The following ZBTB32 variants were observed in gnomAD, a reference collection of about 807,000 sequenced individuals.
ZBTB32 encodes zinc finger and BTB domain containing 32.
In ZBTB32, 28 loss-of-function variants were observed where a neutral mutation model predicts 45.3. That is an observed-to-expected ratio of 0.62 (90% CI 0.46 to 0.85). The LOEUF is 0.85. ZBTB32 is among the 40% of genes least tolerant of loss of function. The probability of loss-of-function intolerance (pLI) is 0.00; values close to 1 mark genes in which losing one functional copy is unlikely to be tolerated. For synonymous variants in ZBTB32, 283 were observed against 255.7 expected (o/e 1.11, Z -1.02); for missense variants, 587 against 624.4 (o/e 0.94, Z 0.64).
chr19:35,706,434 GT>G (rs61122612), intron 1 of ZBTB32, among the ~76,000 whole-genome samples: 152,077 of 152,078 alleles, frequency 1, 76,038 homozygotes, highest in Non-Finnish European at 1. Flanking sequence ...AATCACCCAG[GT>G]TTTTGGCAGG....
intron 1 of ZBTB32, among the ~76,000 whole-genome samples, chr19:35,709,329 G>T (rs1413011725): frequency 6.6e-6 from 1 of 152,094 alleles, no homozygotes. Flanking sequence ...AATAGAGGGA[G>T]AACTTTTTCA....
rs930748986 is a variant in ZBTB32, at chr19:35,715,950, C to G, written c.967C>G (p.Gln323Glu). The G allele has an allele frequency of 2.5e-6, 4 of 1,613,484 alleles. No homozygotes were observed. The highest frequency in any genetic ancestry group is 2.2e-5 in the East Asian group (1 of 44,892). The part of the protein sequence containing the change: ...SSSPTPGSLP[Q>E]GPAQLSPGEM... ...ACTGTTCCTTCCAGGTTCCCTCCCC[C>G]AGGGCCCCGCACAGCTCAGCCCTGG... The change falls in exon 5 of 7, where the codon CAG (glutamine) becomes GAG (glutamate). Residue 323 changes from glutamine to glutamate, a missense_variant. Coordinates refer to ENST00000392197, the MANE Select transcript of ZBTB32 (RefSeq NM_014383.3).
In ZBTB32 at chr19:35,715,793, G is replaced by T; in HGVS notation, c.918G>T (p.Trp306Cys). The T allele has an allele frequency of 6.2e-7, 1 of 1,613,684 alleles. No individual in the cohort carries two copies. The highest frequency in any genetic ancestry group is 8.5e-7 in the Non-Finnish European group (1 of 1,179,880). The change falls in exon 4 of 7, where the codon TGG becomes TGT. Residue 306 changes from tryptophan (W) to cysteine (C), a missense_variant. Coordinates refer to ENST00000392197, the MANE Select transcript of ZBTB32 (RefSeq NM_014383.3). ...PLSLNAPKGL[W>C]SQNQLASSSP... ...CCCTAAATGCCCCCAAAGGGCTCTG[G>T]AGCCAGAACCAGTTGGCCTCCTCCA...
intron 1 of ZBTB32, among the ~76,000 whole-genome samples, chr19:35,712,024 C>CAAAAAAAAAAAAA (rs773746029): frequency 1.8e-5 from 1 of 54,840 alleles, no homozygotes; most frequent in African/African-American, 8.2e-5. Flanking sequence ...GACTGCGTCT[C>CAAAAAAAAAAAAA]AAAAAAAAAA....
At position 35,715,369 on chromosome 19, in the gene ZBTB32, C is replaced by T. The variant is rs2234367; in HGVS notation, c.743C>T (p.Ser248Leu). ...SLQTSVTPRPSWAEAPWLVGG... is the reference protein window; with the variant it reads ...SLQTSVTPRPLWAEAPWLVGG... ...CAAACCAGCGTCACCCCTAGGCCCT[C>T]GTGGGCTGAGGCCCCTTGGTTGGTG... The change falls in exon 3 of 7, where the codon TCG (serine) becomes TTG (leucine). Residue 248 changes from serine (S) to leucine (L), a missense_variant. By Grantham distance (145) the Ser-to-Leu change is moderately radical (BLOSUM62 -2). Transcript: ENST00000392197. The T allele has an allele frequency of 1.0e-3, 1,626 of 1,611,984 alleles. 29 individuals carry two copies. In the East Asian group the frequency reaches 0.033, roughly 33 times the overall value.
chr19:35,712,570 A>C (rs559204795), intron 1 of ZBTB32, among the ~76,000 whole-genome samples: 6 of 152,334 alleles, frequency 3.9e-5, no homozygotes, highest in Admixed American at 3.9e-4. Context: ...TCCCTTCCCC[A>C]GATTAAAGAG....
chr19:35,711,985 A>C (rs182120466), intron 1 of ZBTB32, among the ~76,000 whole-genome samples: 1,561 of 136,830 alleles, frequency 0.011, 28 homozygotes, highest in African/African-American at 0.041. Flanking sequence ...AGATTGCGCC[A>C]CTGCACTCCA....
At chr19:35,709,626 T>G (rs2146411873) in intron 1 of ZBTB32, among the ~76,000 whole-genome samples, 1 of 152,280 alleles carries the variant, frequency 6.6e-6, no homozygotes, top group East Asian at 1.9e-4. Context: ...CATGCCTGTA[T>G]CACAGCATTT....
At chr19:35,710,829 T>G (rs1455841902) in intron 1 of ZBTB32, among the ~76,000 whole-genome samples, 2 of 152,178 alleles carry the variant, frequency 1.3e-5, no homozygotes, top group African/African-American at 4.8e-5. Context: ...CCATCTGTGC[T>G]CAGTGCAGGA....
At position 35,716,614 on chromosome 19, in the gene ZBTB32, C is replaced by A. The variant is rs1452760028; in HGVS notation, c.1326C>A (p.Ser442=). 1.9e-6 allele frequency: 3 copies of A among 1,613,408 alleles called. No homozygotes were observed. The African/African-American group carries it at 4.0e-5, about 22-fold the overall frequency. ...GGGCCGGCTGTCCCAGCCTGGCCTC[C>A]ATGCAGGCGCACATGCGCGGTCACT... ...LCGAGCPSLA[S]MQAHMRGHSP... is the part of the protein sequence containing the mutation. The change falls in exon 7 of 7, where the codon TCC becomes TCA. Residue 442 remains serine (S), a synonymous_variant. Coordinates refer to ENST00000392197, the MANE Select transcript of ZBTB32 (RefSeq NM_014383.3).
intron 1 of ZBTB32, among the ~76,000 whole-genome samples, chr19:35,708,849 G>A (rs190718670): frequency 1.1e-3 from 152 of 144,514 alleles, no homozygotes; most frequent in Middle Eastern, 6.9e-3. Context: ...ACAGAGTTTC[G>A]CTCTTGTTGC....
intron 1 of ZBTB32, among the ~76,000 whole-genome samples, chr19:35,709,607 G>A (rs985763961): frequency 1.3e-5 from 2 of 152,188 alleles, no homozygotes; most frequent in Admixed American, 6.6e-5. Context: ...CAGGCCAGGC[G>A]TGGTGCCTCA....
chr19:35,711,993 C>G (rs901487966), intron 1 of ZBTB32, among the ~76,000 whole-genome samples: 1 of 132,410 alleles, frequency 7.6e-6, no homozygotes, highest in Non-Finnish European at 1.5e-5. Flanking sequence ...CCACTGCACT[C>G]CAGTCTGGGA....
intron 2 of ZBTB32, among the ~76,000 whole-genome samples, chr19:35,713,928 C>G (rs1014402178): frequency 6.6e-6 from 1 of 152,248 alleles, no homozygotes; most frequent in Non-Finnish European, 1.5e-5. Context: ...CTGCTCTCCT[C>G]TTTCTCTGGA....
chr19:35,712,475 T>G (rs1358609654), intron 1 of ZBTB32, among the ~76,000 whole-genome samples: 1 of 152,088 alleles, frequency 6.6e-6, no homozygotes, highest in Non-Finnish European at 1.5e-5. Flanking sequence ...TCAAAATTTG[T>G]TGGATAAATG....
chr19:35,708,194 A>G (rs1234809447), intron 1 of ZBTB32, among the ~76,000 whole-genome samples: 1 of 152,084 alleles, frequency 6.6e-6, no homozygotes, highest in Admixed American at 6.6e-5. Context: ...TCAGTCTACA[A>G]ATCCCTTACA....
At chr19:35,705,221 A>G (rs540290251) in intron 1 of ZBTB32, among the ~76,000 whole-genome samples, 3 of 152,264 alleles carry the variant, frequency 2.0e-5, no homozygotes, top group Middle Eastern at 3.4e-3. Context: ...AGGCAGGAGA[A>G]TCGCTTGAAC....
chr19:35,710,864 T>C (rs1968671684), intron 1 of ZBTB32, among the ~76,000 whole-genome samples: 1 of 152,178 alleles, frequency 6.6e-6, no homozygotes, highest in African/African-American at 2.4e-5. Context: ...CTGTCAAGAA[T>C]GCAGGAAGAG....
intron 1 of ZBTB32, among the ~76,000 whole-genome samples, chr19:35,711,465 T>C (rs982504488): frequency 1.3e-5 from 2 of 152,092 alleles, no homozygotes; most frequent in Non-Finnish European, 2.9e-5. Flanking sequence ...TGAACACAGC[T>C]CTCACATTTG....
Sources: gnomAD v4.1 joint callset for allele counts (sites outside exome capture counted in the v4.1 genomes callset) on GRCh38, gnomAD v4.1.1 for gene constraint, MANE v1.5 for transcripts, NCBI Gene and HGNC (gene_info 2026-07-23, HGNC 2026-07-21) for gene names.